The following TENM1 variants were observed in gnomAD, a reference collection of about 807,000 sequenced individuals.
The protein encoded by TENM1 is teneurin transmembrane protein 1.
A neutral mutation model predicts 174.8 loss-of-function variants in TENM1; 35 were observed. The observed-to-expected ratio is 0.20, with a 90% CI of 0.15 to 0.27. TENM1 has a LOEUF of 0.27. Among genes scored for constraint, TENM1 ranks in the 10% least tolerant of loss-of-function variants. The pLI, the probability that TENM1 is intolerant of heterozygous loss-of-function variation, is 1.00. For missense variants in TENM1, 1,633 were observed against 2,130.1 expected (o/e 0.77, Z 4.59); for synonymous variants, 781 against 798.7 (o/e 0.98, Z 0.37).
chrX:125,075,279 T>C, the TENM1 span, among the ~76,000 whole-genome samples: 1 of 112,220 alleles, frequency 8.9e-6, no homozygotes, highest in East Asian at 2.8e-4. Context: ...CTTAGCATAA[T>C]GTTTTTGAGA....
the TENM1 span, among the ~76,000 whole-genome samples, chrX:124,979,695 G>C: frequency 9.0e-6 from 1 of 110,539 alleles, no homozygotes; most frequent in African/African-American, 3.3e-5. Flanking sequence ...ATGCAGTGGG[G>C]ATAGAAATAG....
chrX:124,837,115 T>C (rs1162573731), intron 3 of TENM1, among the ~76,000 whole-genome samples: 2 of 112,087 alleles, frequency 1.8e-5, no homozygotes, highest in Non-Finnish European at 3.8e-5. Flanking sequence ...TGAGACAGAG[T>C]TTCACTCTTG....
chrX:125,070,213 A>T, the TENM1 span, among the ~76,000 whole-genome samples: 1 of 109,236 alleles, frequency 9.2e-6, no homozygotes, highest in Non-Finnish European at 1.9e-5. Context: ...TAATAATAAT[A>T]ATAGCCATTC....
chrX:124,921,734 T>C (rs1923869102), intron 1 of TENM1, among the ~76,000 whole-genome samples: 1 of 111,193 alleles, frequency 9.0e-6, no homozygotes, highest in African/African-American at 3.3e-5. Flanking sequence ...TAGTTTAGTA[T>C]ATTTATTTAG....
intron 11 of TENM1, among the ~76,000 whole-genome samples, chrX:124,582,975 T>C (rs2049367961): frequency 8.9e-6 from 1 of 112,091 alleles, no homozygotes; most frequent in Admixed American, 9.4e-5. Flanking sequence ...GCAGCGACGC[T>C]GGGGGAGGGG....
chrX:124,985,460 T>C, the TENM1 span, among the ~76,000 whole-genome samples: 2 of 111,963 alleles, frequency 1.8e-5, no homozygotes, highest in Non-Finnish European at 3.8e-5. Context: ...GACTAACACA[T>C]GGGTAATATC....
At chrX:124,716,275 T>C (rs1216988997) in intron 4 of TENM1, among the ~76,000 whole-genome samples, 1 of 111,797 alleles carries the variant, frequency 8.9e-6, no homozygotes, top group Non-Finnish European at 1.9e-5. Context: ...CCAACACCCA[T>C]GTTCTCCTCT....
chrX:124,616,658 A>G (rs1160441472), intron 11 of TENM1, among the ~76,000 whole-genome samples: 2 of 112,670 alleles, frequency 1.8e-5, no homozygotes, highest in Admixed American at 1.9e-4. Flanking sequence ...CATGGTCTCT[A>G]CATACTGGAC....
chrX:125,156,133 A>C, the TENM1 span, among the ~76,000 whole-genome samples: 3 of 112,559 alleles, frequency 2.7e-5, no homozygotes, highest in Non-Finnish European at 5.6e-5. Context: ...ACAGTTTGGT[A>C]TTTTAGGCAA....
chrX:124,886,699 C>G (rs1028712032), intron 3 of TENM1, among the ~76,000 whole-genome samples: 4 of 100,666 alleles, frequency 4.0e-5, no homozygotes, highest in Non-Finnish European at 2.0e-5. Flanking sequence ...AAATATCACA[C>G]TAGGAAAAAT....
intron 14 of TENM1, among the ~76,000 whole-genome samples, chrX:124,551,528 CCACACACACACA>C (rs200848099): frequency 9.8e-6 from 1 of 101,776 alleles, no homozygotes; most frequent in African/African-American, 3.6e-5. Flanking sequence ...ACACACACAC[CCACACACACACA>C]CACACACACA....
intron 3 of TENM1, among the ~76,000 whole-genome samples, chrX:124,891,827 A>T (rs2057481521): frequency 9.0e-6 from 1 of 111,578 alleles, no homozygotes; most frequent in African/African-American, 3.3e-5. Context: ...AGAGTCACAC[A>T]AGACAAGATC....
intron 23 of TENM1, among the ~76,000 whole-genome samples, chrX:124,430,332 A>T (rs2060766337): frequency 8.9e-6 from 1 of 112,107 alleles, no homozygotes; most frequent in Non-Finnish European, 1.9e-5. Flanking sequence ...AGAAGGAAGT[A>T]GTTAGGACCT....
chrX:124,637,075 CT>C, intron 11 of TENM1, among the ~76,000 whole-genome samples: 1 of 109,490 alleles, frequency 9.1e-6, no homozygotes, highest in Non-Finnish European at 1.9e-5. Flanking sequence ...TTTCTTTTTT[CT>C]TTTCTTTTCT....
chrX:124,711,604 A>G (rs1012987503), intron 4 of TENM1, among the ~76,000 whole-genome samples: 60 of 112,164 alleles, frequency 5.3e-4, no homozygotes, highest in Non-Finnish European at 1.5e-4. Context: ...TTTTAAAAAC[A>G]AGAAGACTAG....
chrX:125,094,892 T>C, the TENM1 span, among the ~76,000 whole-genome samples: 1 of 112,116 alleles, frequency 8.9e-6, no homozygotes, highest in African/African-American at 3.2e-5. Context: ...TTTTAAGGGT[T>C]TTTCTTATAG....
chrX:124,422,490 A>G, exon 24 of TENM1: 1 of 1,211,403 alleles, frequency 8.3e-7, no homozygotes, highest in Non-Finnish European at 1.1e-6. Context: ...GAAATGATCG[A>G]TGCCTGGCAC....
At chrX:124,763,885 C>T (rs980755488) in intron 3 of TENM1, among the ~76,000 whole-genome samples, 3 of 112,001 alleles carry the variant, frequency 2.7e-5, no homozygotes, top group African/African-American at 6.5e-5. Context: ...CTATTGTAAC[C>T]GTGTCACCTT....
At position 124,427,718 on chromosome X, in the gene TENM1, C is replaced by T. The variant is rs773313099; in HGVS notation, c.4105-5080G>A. Among the ~76,000 whole-genome samples the T allele has an allele frequency of 9.8e-5, 11 of 111,881 alleles. No homozygotes were observed. In the East Asian group the frequency reaches 3.1e-3, roughly 31 times the overall value. ...CAGGTAAGTTTTCAAGGAACTGGTG[C>T]CTTATGCTCACACAACAGAAATACT... On this transcript the variant is annotated intron_variant, in intron 23 of 31. Coordinates refer to ENST00000422452, the Ensembl canonical transcript of TENM1.
Sources: gnomAD v4.1 joint callset for allele counts (sites outside exome capture counted in the v4.1 genomes callset) on GRCh38, gnomAD v4.1.1 for gene constraint, MANE v1.5 for transcripts, NCBI Gene and HGNC (gene_info 2026-07-23, HGNC 2026-07-21) for gene names.